The following NCALD variants were observed in gnomAD, a reference collection of about 807,000 sequenced individuals.
NCALD encodes the protein neurocalcin delta, also known as neurocalcin-delta.
Under a neutral mutation model 18.6 loss-of-function variants are expected in NCALD, and 10 were observed. The observed-to-expected ratio is 0.54, with a 90% CI of 0.33 to 0.91. The LOEUF (loss-of-function observed/expected upper bound fraction) is 0.91, where lower values mean the gene tolerates loss of function less well. NCALD is among the 40% of genes least tolerant of loss of function. The pLI is 0.03. For synonymous variants in NCALD, 88 were observed against 87.4 expected, an observed-to-expected ratio of 1.01 and a Z score of -0.04; for missense variants, 184 against 247.6, an observed-to-expected ratio of 0.74 and a Z score of 1.72.
At chr8:101,878,791 T>A (rs368584260) in intron 4 of NCALD, among the ~76,000 whole-genome samples, 9 of 152,336 alleles carry the variant, frequency 5.9e-5, no homozygotes, top group East Asian at 5.8e-4. Flanking sequence ...TAAACAGTGA[T>A]CAAGATCTAA....
chr8:101,969,372 C>G (rs1448843105), intron 2 of NCALD, among the ~76,000 whole-genome samples: 1 of 152,186 alleles, frequency 6.6e-6, no homozygotes, highest in Non-Finnish European at 1.5e-5. Context: ...AGATTCCATT[C>G]TCCTGTTTCT....
intron 4 of NCALD, among the ~76,000 whole-genome samples, chr8:101,808,251 C>A (rs367910722): frequency 6.6e-6 from 1 of 152,226 alleles, no homozygotes; most frequent in East Asian, 1.9e-4. Context: ...TGAATACTTT[C>A]CAGTAACAGT....
rs1586701544 is a variant in NCALD, at chr8:101,891,067, T to C, written c.-106-3840A>G. On this transcript the variant is annotated intron_variant, in intron 3 of 6. Transcript: ENST00000311028. ...CAGCCAACTACATACAAATGGTATCTTTTTCACATATAAATAAGCCCAAGA... is the reference window on the plus strand; with the variant it reads ...CAGCCAACTACATACAAATGGTATCCTTTTCACATATAAATAAGCCCAAGA... Among the ~76,000 whole-genome samples the C allele has an allele frequency of 2.0e-5, 3 of 152,328 alleles. No homozygotes were observed. In the South Asian group the frequency reaches 6.2e-4, roughly 32 times the overall value.
At chr8:101,769,916 A>G (rs1811513258) in intron 1 of NCALD, among the ~76,000 whole-genome samples, 1 of 152,172 alleles carries the variant, frequency 6.6e-6, no homozygotes, top group African/African-American at 2.4e-5. Flanking sequence ...GCCTAACTGA[A>G]GGGAGAGCAG....
intron 2 of NCALD, among the ~76,000 whole-genome samples, chr8:101,921,901 C>T (rs953617433): frequency 5.9e-5 from 9 of 151,716 alleles, no homozygotes; most frequent in Non-Finnish European, 1.3e-4. Flanking sequence ...ATTCCTTCAT[C>T]TCAAAGTTAT....
At chr8:101,719,224 CT>C (rs764185771) in intron 2 of NCALD, 27 bp downstream of exon 2, 7 of 1,596,568 alleles carry the variant, frequency 4.4e-6, no homozygotes, top group Non-Finnish European at 6.0e-6. Flanking sequence ...ACATGCCCTT[CT>C]TTTTTTAAAG....
intron 1 of NCALD, among the ~76,000 whole-genome samples, chr8:101,747,117 A>C (rs538471199): frequency 6.6e-6 from 1 of 152,352 alleles, no homozygotes; most frequent in Admixed American, 6.5e-5. Flanking sequence ...CCCGTGGCAC[A>C]CAGTCTGTTG....
chr8:101,990,792 T>C (rs1821014791), intron 2 of NCALD, among the ~76,000 whole-genome samples: 1 of 152,142 alleles, frequency 6.6e-6, no homozygotes, highest in Non-Finnish European at 1.5e-5. Flanking sequence ...TACAACCACA[T>C]TCTCTCAGGC....
intron 4 of NCALD, among the ~76,000 whole-genome samples, chr8:101,851,634 C>A (rs114488690): frequency 8.8e-4 from 134 of 152,282 alleles, no homozygotes; most frequent in African/African-American, 3.1e-3. Context: ...CTACTCCATA[C>A]CTGCCTTTGC....
At chr8:101,737,127 C>CA (rs1809957467) in intron 1 of NCALD, among the ~76,000 whole-genome samples, 1 of 148,086 alleles carries the variant, frequency 6.8e-6, no homozygotes, top group Admixed American at 6.7e-5. Flanking sequence ...CTCAACAGTT[C>CA]TTTTTTTTTT....
chr8:101,839,690 A>G (rs1378065065), intron 4 of NCALD, among the ~76,000 whole-genome samples: 1 of 152,230 alleles, frequency 6.6e-6, no homozygotes, highest in Non-Finnish European at 1.5e-5. Context: ...AAGGGCTTCC[A>G]TATTCCACAG....
chr8:102,056,258 G>T (rs902682129), intron 1 of NCALD, among the ~76,000 whole-genome samples: 1 of 152,180 alleles, frequency 6.6e-6, no homozygotes, highest in African/African-American at 2.4e-5. Flanking sequence ...GTTTTTGCTT[G>T]TTTATGTGTG....
chr8:101,941,063 G>C (rs1352464345), intron 2 of NCALD, among the ~76,000 whole-genome samples: 5 of 152,140 alleles, frequency 3.3e-5, no homozygotes, highest in Non-Finnish European at 4.4e-5. Flanking sequence ...AAATGTAATG[G>C]AGACATTTCA....
chr8:102,087,441 A>T (rs1462368929), intron 1 of NCALD, among the ~76,000 whole-genome samples: 2 of 152,110 alleles, frequency 1.3e-5, no homozygotes, highest in South Asian at 2.1e-4. Flanking sequence ...CAGGTAAAGG[A>T]TGGGATTGGG....
chr8:101,703,712 A>G (rs1353898646), intron 2 of NCALD, among the ~76,000 whole-genome samples: 1 of 152,194 alleles, frequency 6.6e-6, no homozygotes, highest in Non-Finnish European at 1.5e-5. Flanking sequence ...GGACTCACTG[A>G]TGGGCAGATG....
rs1244273140 is a variant in NCALD, at chr8:101,888,659, C to T, written c.-106-1432G>A. 5.9e-5 allele frequency among the ~76,000 whole-genome samples: 9 copies of T among 151,968 alleles called. No individual in the cohort carries two copies. In the East Asian group the frequency reaches 1.7e-3, roughly 29 times the overall value. On this transcript the variant is annotated intron_variant, in intron 3 of 6. Coordinates refer to the NCALD transcript ENST00000311028. The stretch of plus-strand genomic sequence containing the variant: ...CTCAAACTCCAGGCCTCAAGTGATC[C>T]TACCACTTCAGTGTCTCAAAGTGCT...
rs146170232 is a variant in NCALD, at chr8:101,999,613, G to A, written c.-157+20624C>T. On this transcript the variant is annotated intron_variant, in intron 2 of 6. Transcript: ENST00000311028. ...GCACCAAAATCTCAGAAATCACCAC[G>A]AAAGAACTTATCAATGTAACCAAAC... is the stretch of plus-strand genomic sequence containing the variant. Among the ~76,000 whole-genome samples, 922 of 151,940 alleles carry A rather than the reference G, an allele frequency of 6.1e-3. 9 individuals are homozygous for A. The highest frequency in any genetic ancestry group is 0.018 in the African/African-American group (737 of 41,404).
At chr8:101,871,053 A>G (rs976997513) in intron 4 of NCALD, among the ~76,000 whole-genome samples, 3 of 152,128 alleles carry the variant, frequency 2.0e-5, no homozygotes, top group African/African-American at 7.2e-5. Context: ...GGTTCTAGAA[A>G]AACAGTGCAT....
intron 4 of NCALD, among the ~76,000 whole-genome samples, chr8:101,816,668 T>A (rs529335226): frequency 5.7e-4 from 87 of 152,250 alleles, no homozygotes; most frequent in East Asian, 1.5e-3. Context: ...TGGGACCAGC[T>A]AAAAAACCCT....
Sources: allele counts gnomAD v4.1 joint callset (sites outside exome capture counted in the v4.1 genomes callset), GRCh38; gene constraint gnomAD v4.1.1; transcripts MANE v1.5; gene names NCBI Gene and HGNC (gene_info 2026-07-23, HGNC 2026-07-21).